Variants in KALRN observed in about 807,000 individuals in gnomAD.
The protein encoded by KALRN is kalirin RhoGEF kinase, also known as kalirin.
A neutral mutation model predicts 353.7 loss-of-function variants in KALRN; 70 were observed. The ratio of observed to expected loss-of-function variants is 0.20; its 90% CI spans 0.16 to 0.24. The LOEUF is 0.24. KALRN is among the 10% of genes least tolerant of loss of function. The pLI, the probability that KALRN is intolerant of heterozygous loss-of-function variation, is 1.00. For synonymous variants in KALRN, 1,391 were observed against 1,434.8 expected (o/e 0.97, Z 0.69); for missense variants, 2,791 against 3,756.7 (o/e 0.74, Z 6.72).
At chr3:124,484,940 CA>C (rs1484693642) in intron 28 of KALRN, among the ~76,000 whole-genome samples, 2 of 151,968 alleles carry the variant, frequency 1.3e-5, no homozygotes, top group African/African-American at 4.8e-5. Context: ...CCCGTCTCTA[CA>C]AAAAATTAGC....
At chr3:124,445,718 C>T (rs1007848390) in intron 19 of KALRN, among the ~76,000 whole-genome samples, 1 of 152,162 alleles carries the variant, frequency 6.6e-6, no homozygotes, top group African/African-American at 2.4e-5. Flanking sequence ...GTGATACCAG[C>T]CCTCATTCCA....
intron 3 of KALRN, among the ~76,000 whole-genome samples, chr3:124,251,367 T>TTC (rs2071136146): frequency 7.9e-6 from 1 of 126,200 alleles, no homozygotes; most frequent in Non-Finnish European, 1.8e-5. Flanking sequence ...TTTTTTTTTT[T>TTC]TTTCTTTTTT....
At chr3:124,405,651 T>C (rs1052923623) in intron 13 of KALRN, among the ~76,000 whole-genome samples, 2 of 144,796 alleles carry the variant, frequency 1.4e-5, no homozygotes, top group Non-Finnish European at 3.0e-5. Flanking sequence ...TTTTTTTTTT[T>C]TTTTTTTTTT....
intron 33 of KALRN, among the ~76,000 whole-genome samples, chr3:124,551,961 C>T (rs2070593298): frequency 1.3e-5 from 2 of 152,172 alleles, no homozygotes; most frequent in African/African-American, 2.4e-5. Flanking sequence ...AGGATGCAAT[C>T]TTTAGCTAGT....
intron 1 of KALRN, among the ~76,000 whole-genome samples, chr3:124,141,283 T>C (rs1419569545): frequency 6.6e-6 from 1 of 152,234 alleles, no homozygotes; most frequent in Non-Finnish European, 1.5e-5. Context: ...ATGGTTTTCA[T>C]AGCCCTGGTC....
chr3:124,411,613 T>A (rs2092167524), intron 13 of KALRN, among the ~76,000 whole-genome samples: 2 of 151,722 alleles, frequency 1.3e-5, no homozygotes, highest in Non-Finnish European at 2.9e-5. Flanking sequence ...AGCTAATGTA[T>A]TATTATTTGC....
intron 57 of KALRN, among the ~76,000 whole-genome samples, chr3:124,704,999 T>C (rs1372120754): frequency 6.6e-6 from 1 of 152,178 alleles, no homozygotes; most frequent in Non-Finnish European, 1.5e-5. Flanking sequence ...GGTAATTAAA[T>C]ACTATAAAAA....
chr3:124,547,763 AC>A (rs374807897), intron 33 of KALRN, among the ~76,000 whole-genome samples: 73 of 113,486 alleles, frequency 6.4e-4, no homozygotes, highest in African/African-American at 2.5e-3. Context: ...CCCCCCAGCT[AC>A]CCCCTTACCC....
chr3:124,100,356 C>T (rs1378641194), intron 1 of KALRN: 1 of 151,982 alleles, frequency 6.6e-6, no homozygotes, highest in Non-Finnish European at 1.5e-5. Context: ...TGATTGTTTC[C>T]CTTGCTGTGC....
intron 7 of KALRN, among the ~76,000 whole-genome samples, chr3:124,329,489 G>A (rs575531008): frequency 2.4e-4 from 37 of 152,270 alleles, no homozygotes; most frequent in East Asian, 1.9e-3. Context: ...AGCCCCTCAC[G>A]TGTGCCTGTG....
chr3:124,333,455 T>C lies in KALRN; in HGVS notation c.1417-810T>C, dbSNP rs1026212541. On this transcript the variant is annotated intron_variant, in intron 8 of 59. Transcript: ENST00000682506. ...GACCCAGGAGGTTAAATAACTTGCC[T>C]CTTGTCACACATCTAGAATTTTAGA... 1.3e-4 allele frequency among the ~76,000 whole-genome samples: 20 copies of C among 152,200 alleles called. 1 individual carries two copies. The highest frequency in any genetic ancestry group is 4.8e-4 in the African/African-American group (20 of 41,456).
chr3:124,339,538 G>A (rs1026850271), intron 9 of KALRN, among the ~76,000 whole-genome samples: 5 of 152,192 alleles, frequency 3.3e-5, no homozygotes, highest in African/African-American at 7.2e-5. Context: ...AGTTGCAGCC[G>A]ATGGGGAGCT....
chr3:124,174,373 G>T (rs2072353275), intron 1 of KALRN, among the ~76,000 whole-genome samples: 1 of 152,144 alleles, frequency 6.6e-6, no homozygotes, highest in Non-Finnish European at 1.5e-5. Flanking sequence ...GGCAGAGGTT[G>T]CAGTGAGCCA....
intron 37 of KALRN, among the ~76,000 whole-genome samples, chr3:124,647,815 G>A (rs1392912): frequency 0.34 from 51,817 of 152,010 alleles, 9,004 homozygotes; most frequent in East Asian, 0.47. Flanking sequence ...TGCCCAGAGA[G>A]GGGGCAGGTT....
chr3:124,253,055 C>T (rs1264041821), intron 3 of KALRN, among the ~76,000 whole-genome samples: 1 of 152,194 alleles, frequency 6.6e-6, no homozygotes, highest in African/African-American at 2.4e-5. Flanking sequence ...TAACACTTTT[C>T]TTTAACACCT....
At chr3:124,299,999 C>T (rs1436172430) in intron 6 of KALRN, among the ~76,000 whole-genome samples, 2 of 152,082 alleles carry the variant, frequency 1.3e-5, no homozygotes, top group Non-Finnish European at 2.9e-5. Context: ...ATCTGAAAAA[C>T]AAAGACAGCT....
In KALRN at chr3:124,347,371, C is replaced by CTGTGTGTGTGTGTG. The variant is rs10663884; in HGVS notation, c.1770+126_1770+139dup. 1.6e-5 allele frequency: 9 copies of CTGTGTGTGTGTGTG among 563,826 alleles called. 1 individual carries two copies. The highest frequency in any genetic ancestry group is 1.0e-4 in the South Asian group (4 of 39,710). 34.9% of individuals were successfully genotyped at this position (563,826 alleles called of 1,614,324 possible). ...TTGAAGAGGTGGCTCAGGTGAGAAG[C>CTGTGTGTGTGTGTG]TGTGTGTGTGTGTGTGTGTGTGTGT... is the stretch of plus-strand genomic sequence containing the variant. On this transcript the variant is annotated intron_variant, in intron 10 of 59. Transcript: ENST00000682506.
At chr3:124,597,278 G>T (rs1164328622) in intron 34 of KALRN, among the ~76,000 whole-genome samples, 1 of 151,912 alleles carries the variant, frequency 6.6e-6, no homozygotes, top group Non-Finnish European at 1.5e-5. Context: ...GCCCCGAGTT[G>T]GTCCCAAGTA....
intron 25 of KALRN, among the ~76,000 whole-genome samples, chr3:124,465,177 G>C (rs138311259): frequency 6.6e-6 from 1 of 151,892 alleles, no homozygotes; most frequent in Non-Finnish European, 1.5e-5. Flanking sequence ...TATGCTTTCT[G>C]CTTGTGTCCT....
Sources: gnomAD v4.1 joint callset for allele counts (sites outside exome capture counted in the v4.1 genomes callset) on GRCh38, gnomAD v4.1.1 for gene constraint, MANE v1.5 for transcripts, NCBI Gene and HGNC (gene_info 2026-07-23, HGNC 2026-07-21) for gene names.